Variants in ZNF394 observed in about 807,000 individuals in gnomAD.
ZNF394 encodes zinc finger protein 394, also known as zinc finger protein 99.
ZNF394 carries 19 observed loss-of-function variants against 21.8 expected under a neutral mutation model. That is an observed-to-expected ratio of 0.87 (90% confidence interval 0.61 to 1.28). The LOEUF (loss-of-function observed/expected upper bound fraction) is 1.28, where lower values mean the gene tolerates loss of function less well. Among genes scored for constraint, ZNF394 ranks in the 50% most tolerant of loss-of-function variants. The pLI, the probability that ZNF394 is intolerant of heterozygous loss-of-function variation, is 0.00. For synonymous variants in ZNF394, 294 were observed against 273.3 expected (o/e 1.08, Z -0.75); for missense variants, 683 against 708.6 (o/e 0.96, Z 0.41).
At chr7:99,489,617 T>G (rs987294683), downstream of ZNF394, among the ~76,000 whole-genome samples, 2 of 152,152 alleles carry the variant, frequency 1.3e-5, no homozygotes, top group East Asian at 3.8e-4. Flanking sequence ...CCACCTTCCC[T>G]AATAGTGTTG....
chr7:99,492,520 G>C (rs1800185248), downstream of ZNF394, among the ~76,000 whole-genome samples: 1 of 151,048 alleles, frequency 6.6e-6, no homozygotes, highest in Non-Finnish European at 1.5e-5. Context: ...TGCACCTGTA[G>C]TCCCAAGTAC....
chr7:99,499,412 AG>A (rs1348164853), intron 1 of ZNF394, among the ~76,000 whole-genome samples: 145 of 151,172 alleles, frequency 9.6e-4, no homozygotes, highest in African/African-American at 3.3e-3. Context: ...AAAAAAAAAA[AG>A]AAAAGAAAAA....
Position 99,499,778 on chromosome 7 carries a change from G to C in ZNF394, c.316C>G (p.Leu106Val), listed in dbSNP as rs1228204750. 1 of 1,614,072 alleles carries C rather than the reference G, an allele frequency of 6.2e-7. No homozygotes were observed. Among genetic ancestry groups the C allele is most frequent in the African/African-American group, 1.3e-5 (1 of 74,938 alleles). ...GTGAGGAACTGCTCCAGCACCAGCA[G>C]CTCCAGGATCTGCTCCTTGGAGAGC... ...ELLSKEQILE[L>V]LVLEQFLTIL... Residue 106 changes from leucine to valine, a missense_variant, in exon 1 of 3, where the codon CTG becomes GTG. By Grantham distance (32) the Leu-to-Val change is conservative. Coordinates refer to ENST00000337673, the MANE Select transcript of ZNF394 (RefSeq NM_032164.4).
chr7:99,495,317 T>A (rs1202362661), intron 2 of ZNF394, among the ~76,000 whole-genome samples: 2 of 150,524 alleles, frequency 1.3e-5, no homozygotes, highest in Non-Finnish European at 3.0e-5. Context: ...TATATTTTAT[T>A]TTATCGTATC....
At position 99,487,019 on chromosome 7, in the gene ZNF394, C is replaced by T. The variant is rs1007158506; in HGVS notation, n.84-56G>A. 8.7e-6 allele frequency: 14 copies of T among 1,614,018 alleles called. No homozygotes were observed. Among genetic ancestry groups the T allele is most frequent in the East Asian group, 2.2e-5 (1 of 44,892 alleles). The stretch of plus-strand genomic sequence containing the variant: ...TGTGGAAAGTGTTTTCGGCAGCTCG[C>T]GTATCTTGTTGAACATAAGAGGATT... On this transcript the variant is annotated intron_variant and non_coding_transcript_variant, in intron 1 of 1. Transcript: ENST00000462024.
chr7:99,487,794 T>C (rs1363658068), intron 1 of ZNF394, among the ~76,000 whole-genome samples: 2 of 149,462 alleles, frequency 1.3e-5, no homozygotes, highest in Non-Finnish European at 3.0e-5. Flanking sequence ...AAGAAAGGGC[T>C]GGGCGCGGTG....
chr7:99,487,899 C>T (rs1187590900), intron 1 of ZNF394, among the ~76,000 whole-genome samples: 2 of 151,836 alleles, frequency 1.3e-5, no homozygotes, highest in African/African-American at 2.4e-5. Flanking sequence ...AGTGAAACCC[C>T]GTTTCCACTA....
chr7:99,492,075 G>GAAAAA (rs397948314), downstream of ZNF394, among the ~76,000 whole-genome samples: 87 of 47,662 alleles, frequency 1.8e-3, no homozygotes, highest in East Asian at 0.048. Context: ...TCCGTCTCAA[G>GAAAAA]AAAAAAAAAA....
Position 99,499,933 on chromosome 7 carries a change from G to C in ZNF394, c.161C>G (p.Pro54Arg). The change falls in exon 1 of 3, where the codon CCC (proline) becomes CGC (arginine). Residue 54 changes from proline (P) to arginine (R), a missense_variant. Transcript: ENST00000337673. ...DSPGSWEPNY[P>R]AASPDPETSR... Reference sequence around the variant, plus strand: ...AGTTTCGGGGTCCGGCGAAGCCGCGGGATAGTTGGGCTCCCAACTTCCGGG... The same window carrying C: ...AGTTTCGGGGTCCGGCGAAGCCGCGCGATAGTTGGGCTCCCAACTTCCGGG... The C allele has an allele frequency of 1.9e-6, 3 of 1,614,056 alleles. No individual in the cohort carries two copies. The highest frequency in any genetic ancestry group is 2.5e-6 in the Non-Finnish European group (3 of 1,180,040).
chr7:99,489,684 T>A (rs959892623), downstream of ZNF394, among the ~76,000 whole-genome samples: 1 of 152,218 alleles, frequency 6.6e-6, no homozygotes, highest in Admixed American at 6.5e-5. Context: ...TTATGTTCTC[T>A]GAGAAGCCAT....
chr7:99,494,717 A>G (rs1800251380), intron 2 of ZNF394, 86 bp from the exon 3 acceptor site: 2 of 1,460,346 alleles, frequency 1.4e-6, no homozygotes, highest in Non-Finnish European at 9.0e-7. Context: ...TAAACCCTCA[A>G]ACCCCTTTTA....
intron 1 of ZNF394, 118 bp from the exon 2 acceptor site, chr7:99,498,960 T>C: frequency 7.3e-7 from 1 of 1,375,054 alleles, no homozygotes; most frequent in Non-Finnish European, 9.7e-7. Context: ...GCTGACATTC[T>C]CTTGTAATCC....
At position 99,493,614 on chromosome 7, in the gene ZNF394, A is replaced by C; in HGVS notation, c.1601T>G (p.Phe534Cys). The C allele has an allele frequency of 6.2e-7, 1 of 1,614,126 alleles. No homozygotes were observed. Among genetic ancestry groups the C allele is most frequent in the Non-Finnish European group, 8.5e-7 (1 of 1,180,010 alleles). ...TCGGATAAGGTGTGTACTTTGTCTA[A>C]ATCTTTCCCCACATTCAAGACATTT... ...PYKCLECGER[F>C]RQSTHLIRHQ... Residue 534 changes from phenylalanine (F) to cysteine (C), a missense_variant, in exon 3 of 3, where the codon TTT (phenylalanine) becomes TGT (cysteine). Phe to Cys is a radical substitution (Grantham distance 205, BLOSUM62 -2). This residue lies in a region of ZNF394 where 274 missense variants were observed against 314.1 expected (regional missense o/e 0.87). Coordinates refer to ENST00000337673, the MANE Select transcript of ZNF394 (RefSeq NM_032164.4).
intron 1 of ZNF394, chr7:99,487,350 T>C (rs1480847932): frequency 1.2e-6 from 2 of 1,614,222 alleles, no homozygotes; most frequent in Non-Finnish European, 1.7e-6. Context: ...CGTTTAGTTT[T>C]AAGAGGAATC....
At chr7:99,487,088 CGT>C in intron 1 of ZNF394, 1 of 1,614,090 alleles carries the variant, frequency 6.2e-7, no homozygotes, top group Non-Finnish European at 8.5e-7. Flanking sequence ...TGTGAAAAAA[CGT>C]TTAGTCAGAA....
In ZNF394 at chr7:99,494,639, G is replaced by C; in HGVS notation, c.584-8C>G. On this transcript the variant is annotated splice_polypyrimidine_tract_variant and splice_region_variant and intron_variant, in intron 2 of 2. Coordinates refer to ENST00000337673, the MANE Select transcript of ZNF394 (RefSeq NM_032164.4). ...CCACTCTGCTTTCCAAACCTGAAACGTGAAAATACAAATTCCTGCCAGTGC... is the reference window on the plus strand; with the variant it reads ...CCACTCTGCTTTCCAAACCTGAAACCTGAAAATACAAATTCCTGCCAGTGC... The C allele has an allele frequency of 6.4e-7, 1 of 1,563,028 alleles. No individual in the cohort carries two copies. Among genetic ancestry groups the C allele is most frequent in the Non-Finnish European group, 8.6e-7 (1 of 1,158,102 alleles).
In ZNF394 at chr7:99,493,260, C is replaced by A; in HGVS notation, c.*269G>T. 1.7e-6 allele frequency: 2 copies of A among 1,148,556 alleles called. No homozygotes were observed. Among genetic ancestry groups the A allele is most frequent in the Non-Finnish European group, 2.1e-6 (2 of 932,838 alleles). 71.1% of individuals were successfully genotyped at this position (1,148,556 alleles called of 1,614,324 possible). A position where few individuals can be genotyped will look rare whatever the true frequency, so the allele number is the denominator to read the frequency against. On this transcript the variant is annotated 3_prime_UTR_variant, in exon 3 of 3. Transcript: ENST00000337673. ...ATAGAAACATATCAAAATGACAGCA[C>A]TTTATTTCTTTTTTGAGATGGAGTC...
intron 2 of ZNF394, among the ~76,000 whole-genome samples, chr7:99,497,300 G>C (rs1473237167): frequency 6.7e-6 from 1 of 149,794 alleles, no homozygotes; most frequent in African/African-American, 2.5e-5. Flanking sequence ...TCAGCCTCCC[G>C]AGTAGCTGGG....
chr7:99,489,648 A>T (rs1228866572), downstream of ZNF394, among the ~76,000 whole-genome samples: 1 of 152,172 alleles, frequency 6.6e-6, no homozygotes, highest in East Asian at 1.9e-4. Context: ...CCAACAAATA[A>T]ACTACTTGTA....
Sources: gnomAD v4.1 joint callset for allele counts (sites outside exome capture counted in the v4.1 genomes callset) on GRCh38, gnomAD v4.1.1 for gene constraint, gnomAD v4.1.1 regional missense constraint, MANE v1.5 for transcripts, NCBI Gene and HGNC (gene_info 2026-07-23, HGNC 2026-07-21) for gene names.